The following DOCK7 variants were observed in gnomAD, a reference collection of about 807,000 sequenced individuals.
The protein encoded by DOCK7 is dedicator of cytokinesis 7.
A neutral mutation model predicts 271.0 loss-of-function variants in DOCK7; 138 were observed. That is an observed-to-expected ratio of 0.51 (90% CI 0.44 to 0.59). The LOEUF (loss-of-function observed/expected upper bound fraction) is 0.59. Ranked by LOEUF, DOCK7 falls within the 20% of genes least tolerant of loss-of-function variation. The probability of loss-of-function intolerance (pLI) is 0.00; values close to 1 mark genes in which losing one functional copy is unlikely to be tolerated. For missense variants in DOCK7, 2,066 were observed against 2,592.4 expected (o/e 0.80, Z 4.41); for synonymous variants, 823 against 876.1 (o/e 0.94, Z 1.07).
rs1333084878 is a variant in DOCK7 at position 62,475,910 on chromosome 1, A to C, written c.5758T>G (p.Phe1920Val). The change falls in exon 46 of 50, where the codon TTT becomes GTT. Residue 1920 changes from phenylalanine to valine, a missense_variant. By Grantham distance (50) the Phe-to-Val change is conservative. Transcript: ENST00000635253. The stretch of plus-strand genomic sequence containing the variant: ...CTGTCCTTCATCTCATATGTGTCAA[A>C]GTATGGCTCCACATAGGTAATCTGA... ...YIQITYVEPY[F>V]DTYEMKDRIT... 1.2e-6 allele frequency: 2 copies of C among 1,614,024 alleles called. No homozygotes were observed. The highest frequency in any genetic ancestry group is 1.7e-6 in the Non-Finnish European group (2 of 1,179,928).
intron 37 of DOCK7, among the ~76,000 whole-genome samples, chr1:62,498,205 C>A (rs913490292): frequency 6.6e-6 from 1 of 152,028 alleles, no homozygotes; most frequent in African/African-American, 2.4e-5. Flanking sequence ...TTAGTCTGGG[C>A]AACAGAGTAA....
At chr1:62,624,753 A>C (rs1428418812) in intron 12 of DOCK7, among the ~76,000 whole-genome samples, 1 of 152,152 alleles carries the variant, frequency 6.6e-6, no homozygotes, top group Non-Finnish European at 1.5e-5. Context: ...AGGAGGGTGG[A>C]TCATGAGGTC....
At chr1:62,511,411 T>G (rs1011231046) in intron 33 of DOCK7, 1 of 152,134 alleles carries the variant, frequency 6.6e-6, no homozygotes, top group Non-Finnish European at 1.5e-5. Context: ...TACACAAATA[T>G]ACATTTAAAC....
intron 44 of DOCK7, 136 bp downstream of exon 44, chr1:62,477,564 A>G (rs1402233553): frequency 3.5e-6 from 3 of 852,540 alleles, no homozygotes; most frequent in Non-Finnish European, 5.1e-6. Flanking sequence ...TAACTATTAA[A>G]AGTCCTTATT....
chr1:62,661,651 A>G (rs546009903), intron 2 of DOCK7, among the ~76,000 whole-genome samples: 1 of 152,272 alleles, frequency 6.6e-6, no homozygotes, highest in Admixed American at 6.5e-5. Flanking sequence ...GCTACCTATG[A>G]CTAATTCAAT....
chr1:62,662,506 T>TA (rs1454714789), intron 2 of DOCK7, among the ~76,000 whole-genome samples: 4 of 152,306 alleles, frequency 2.6e-5, no homozygotes, highest in South Asian at 2.1e-4. Flanking sequence ...CTCACACCTG[T>TA]AATCCCAGCA....
At chr1:62,595,348 T>G (rs1432778749) in intron 14 of DOCK7, among the ~76,000 whole-genome samples, 1 of 152,234 alleles carries the variant, frequency 6.6e-6, no homozygotes, top group Non-Finnish European at 1.5e-5. Flanking sequence ...CTAAGTGCTC[T>G]GAAAATATAA....
intron 39 of DOCK7, 146 bp from the exon 40 acceptor site, chr1:62,494,613 T>C (rs958252267): frequency 1.1e-5 from 6 of 537,800 alleles, no homozygotes; most frequent in Non-Finnish European, 1.5e-5. Context: ...AATGTCGCTA[T>C]GCAGGCCTAG....
chr1:62,513,507 T>G lies in DOCK7; in HGVS notation c.4219A>C (p.Arg1407=), dbSNP rs371349300. 12 of 1,614,040 alleles carry G rather than the reference T, an allele frequency of 7.4e-6. No individual in the cohort carries two copies. The highest frequency in any genetic ancestry group is 1.0e-5 in the Non-Finnish European group (12 of 1,180,008). ...EEAILGSIGA[R]QEMVRRSRGQ... is the part of the protein sequence containing the mutation. The stretch of plus-strand genomic sequence containing the variant: ...CGGCTTCGCCGTACCATTTCTTGCC[T>G]GGCACCTATGCTCCCAAGAATAGCT... Residue 1407 remains arginine, a synonymous_variant, in exon 33 of 50, where the codon AGG becomes CGG. Transcript: ENST00000635253.
chr1:62,480,485 C>T (rs1014244525), intron 43 of DOCK7, among the ~76,000 whole-genome samples: 4 of 152,046 alleles, frequency 2.6e-5, no homozygotes, highest in East Asian at 1.9e-4. Flanking sequence ...ATATGCTATA[C>T]TAAAAAGAGG....
chr1:62,621,430 C>A (rs560491393), intron 12 of DOCK7, among the ~76,000 whole-genome samples: 39 of 152,200 alleles, frequency 2.6e-4, no homozygotes, highest in South Asian at 1.5e-3. Flanking sequence ...TCAATCCAAT[C>A]TTCCTGCTTT....
At chr1:62,544,392 A>G (rs1645632264) in intron 23 of DOCK7, among the ~76,000 whole-genome samples, 2 of 152,222 alleles carry the variant, frequency 1.3e-5, no homozygotes, top group Admixed American at 1.3e-4. Context: ...CAAATTTCAT[A>G]CTTTGCAACA....
intron 14 of DOCK7, among the ~76,000 whole-genome samples, chr1:62,612,543 A>G (rs1309635114): frequency 6.6e-6 from 1 of 152,194 alleles, no homozygotes; most frequent in Non-Finnish European, 1.5e-5. Context: ...TTAAAGTAAA[A>G]TAAAATTAAA....
At chr1:62,623,295 A>G (rs958871041) in intron 12 of DOCK7, among the ~76,000 whole-genome samples, 3 of 152,360 alleles carry the variant, frequency 2.0e-5, no homozygotes, top group African/African-American at 7.2e-5. Context: ...AGTTACAAAA[A>G]TAGTATATGC....
intron 14 of DOCK7, among the ~76,000 whole-genome samples, chr1:62,592,807 T>G (rs1648656591): frequency 6.6e-6 from 1 of 152,196 alleles, no homozygotes; most frequent in Non-Finnish European, 1.5e-5. Flanking sequence ...CATATACTCC[T>G]GGCAGGGATG....
intron 16 of DOCK7, among the ~76,000 whole-genome samples, chr1:62,582,346 C>T (rs1054540396): frequency 7.3e-5 from 11 of 150,970 alleles, no homozygotes; most frequent in African/African-American, 2.7e-4. Flanking sequence ...GTCAGGAGAT[C>T]GAGACCATCC....
intron 37 of DOCK7, among the ~76,000 whole-genome samples, chr1:62,500,312 TATA>T (rs1337863043): frequency 2.0e-5 from 3 of 151,868 alleles, no homozygotes; most frequent in Non-Finnish European, 1.5e-5. Flanking sequence ...AACAATAACA[TATA>T]ATCAATTACA....
chr1:62,628,473 G>A (rs1182433966), intron 11 of DOCK7: 1 of 152,132 alleles, frequency 6.6e-6, no homozygotes, highest in Non-Finnish European at 1.5e-5. Context: ...TTTAATAAAT[G>A]GTGCTGAAAC....
intron 1 of DOCK7, among the ~76,000 whole-genome samples, chr1:62,682,559 A>T (rs976744480): frequency 5.3e-5 from 8 of 152,232 alleles, no homozygotes; most frequent in African/African-American, 1.9e-4. Context: ...TTAAAAAAAC[A>T]GCTCATGAAA....
Sources: allele counts gnomAD v4.1 joint callset (sites outside exome capture counted in the v4.1 genomes callset), GRCh38; gene constraint gnomAD v4.1.1; transcripts MANE v1.5; gene names NCBI Gene and HGNC (gene_info 2026-07-23, HGNC 2026-07-21).